TMEM132C: variants seen among roughly 807,000 people sequenced by gnomAD.
The protein encoded by TMEM132C is protein phosphatase 1, regulatory subunit 152.
TMEM132C carries 29 observed loss-of-function variants against 61.4 expected under a neutral mutation model. The observed-to-expected ratio is 0.47, with a 90% confidence interval of 0.35 to 0.64. The LOEUF (loss-of-function observed/expected upper bound fraction) is 0.64. TMEM132C is among the 30% of genes least tolerant of loss of function. The pLI, the probability that TMEM132C is intolerant of heterozygous loss-of-function variation, is 0.00. For synonymous variants in TMEM132C, 656 were observed against 633.1 expected, an observed-to-expected ratio of 1.04 and a Z score of -0.54; for missense variants, 1,408 against 1,476.9, an observed-to-expected ratio of 0.95 and a Z score of 0.76.
chr12:128,513,417 C>A (rs929305629), intron 2 of TMEM132C, among the ~76,000 whole-genome samples: 2 of 152,164 alleles, frequency 1.3e-5, no homozygotes, highest in African/African-American at 2.4e-5. Context: ...AACACAGAAA[C>A]CAGTCTTAAT....
chr12:128,658,482 G>C (rs369038158), intron 4 of TMEM132C, among the ~76,000 whole-genome samples: 1 of 151,830 alleles, frequency 6.6e-6, no homozygotes, highest in Non-Finnish European at 1.5e-5. Context: ...AACCAACTGC[G>C]CTTCCGCTGA....
At position 128,522,154 on chromosome 12, in the gene TMEM132C, G is replaced by A. The variant is rs528557526; in HGVS notation, c.975-21803G>A. 4.5e-4 allele frequency among the ~76,000 whole-genome samples: 69 copies of A among 152,288 alleles called. No homozygotes were observed. The Middle Eastern group carries it at 0.02, about 45-fold the overall frequency. ...ACCCCATGCTATCTCAAGAACGCTG[G>A]GGTGTATGTTCCCTGTAGCTATTTT... On this transcript the variant is annotated intron_variant, in intron 2 of 8. Coordinates refer to ENST00000435159, the MANE Select transcript of TMEM132C (RefSeq NM_001136103.3).
At chr12:128,311,227 A>T (rs1189820104) in intron 1 of TMEM132C, among the ~76,000 whole-genome samples, 1 of 152,114 alleles carries the variant, frequency 6.6e-6, no homozygotes, top group African/African-American at 2.4e-5. Flanking sequence ...AGTCTCCAAC[A>T]CTCTGACAAG....
At chr12:128,470,326 C>T (rs1006486824) in intron 2 of TMEM132C, among the ~76,000 whole-genome samples, 1 of 152,222 alleles carries the variant, frequency 6.6e-6, no homozygotes, top group African/African-American at 2.4e-5. Context: ...CGCGTGTCCT[C>T]TGAATTTCCT....
In TMEM132C at chr12:128,695,787, C is replaced by T. The variant is rs754579432; in HGVS notation, c.1656-43C>T. ...CTGCCTGTCTCAAGAACGTCTTAGA[C>T]TCCTCTCCCTGGATCTGAGAGCTCT... On this transcript the variant is annotated intron_variant, in intron 6 of 8. Coordinates refer to ENST00000435159, the MANE Select transcript of TMEM132C (RefSeq NM_001136103.3). 64 of 1,495,558 alleles carry T rather than the reference C, an allele frequency of 4.3e-5. No individual in the cohort carries two copies. The Admixed American group carries it at 6.9e-4, about 16-fold the overall frequency. 92.6% of individuals were successfully genotyped at this position (1,495,558 alleles called of 1,614,324 possible).
chr12:128,494,346 G>A (rs191123636), intron 2 of TMEM132C, among the ~76,000 whole-genome samples: 334 of 152,290 alleles, frequency 2.2e-3, no homozygotes, highest in Non-Finnish European at 3.9e-3. Context: ...TTGCTATCAG[G>A]ATGATGCTGG....
At chr12:128,430,481 A>G (rs1277912787) in intron 2 of TMEM132C, among the ~76,000 whole-genome samples, 4 of 152,218 alleles carry the variant, frequency 2.6e-5, no homozygotes, top group Non-Finnish European at 1.5e-5. Context: ...AAGAAAAAAT[A>G]GAACTTAAGC....
chr12:128,664,926 A>T (rs1261446613), intron 4 of TMEM132C, among the ~76,000 whole-genome samples: 2 of 150,424 alleles, frequency 1.3e-5, no homozygotes, highest in Non-Finnish European at 2.9e-5. Context: ...GATGCAAAGA[A>T]CTCTGTAGGC....
rs142850761 is a variant in TMEM132C, at chr12:128,482,831, A to G, written c.975-61126A>G. ...TCCTCCCACCCATGAATCTCCCACAATGCTTATCTCCCAGCACCAAGCCCT... is the reference window on the plus strand; with the variant it reads ...TCCTCCCACCCATGAATCTCCCACAGTGCTTATCTCCCAGCACCAAGCCCT... On this transcript the variant is annotated intron_variant, in intron 2 of 8. Coordinates refer to ENST00000435159, the MANE Select transcript of TMEM132C (RefSeq NM_001136103.3). Among the ~76,000 whole-genome samples, 102 of 152,066 alleles carry G rather than the reference A, an allele frequency of 6.7e-4. 1 individual carries two copies. In the East Asian group the frequency reaches 0.018, roughly 27 times the overall value.
intron 2 of TMEM132C, among the ~76,000 whole-genome samples, chr12:128,476,466 G>A (rs1272667432): frequency 2.6e-5 from 4 of 152,180 alleles, no homozygotes; most frequent in Non-Finnish European, 5.9e-5. Flanking sequence ...CATTTCTCAC[G>A]TGGCTTGCAG....
Position 128,707,572 on chromosome 12 carries a change from C to T in TMEM132C, c.*1277C>T, listed in dbSNP as rs1255971714. 1.3e-5 allele frequency: 2 copies of T among 152,210 alleles called. No individual in the cohort carries two copies. Among genetic ancestry groups the T allele is most frequent in the African/African-American group, 4.8e-5 (2 of 41,456 alleles). 9.4% of individuals were successfully genotyped at this position (152,210 alleles called of 1,614,324 possible). On this transcript the variant is annotated 3_prime_UTR_variant, in exon 9 of 9. Coordinates refer to ENST00000435159, the MANE Select transcript of TMEM132C (RefSeq NM_001136103.3). ...GCAAAAATGCATTCATCCAAAGCGA[C>T]ACATGTGGCAACGTAGACCACGCCA...
At chr12:128,494,655 C>G (rs541762274) in intron 2 of TMEM132C, among the ~76,000 whole-genome samples, 8 of 152,116 alleles carry the variant, frequency 5.3e-5, no homozygotes, top group Admixed American at 6.6e-5. Flanking sequence ...ATAATATTCT[C>G]TGATGGTAGT....
At chr12:128,355,412 A>G (rs1873472127) in intron 1 of TMEM132C, among the ~76,000 whole-genome samples, 3 of 152,112 alleles carry the variant, frequency 2.0e-5, no homozygotes, top group Admixed American at 2.0e-4. Flanking sequence ...AAGCTGGCAC[A>G]TGGGCCTCAG....
chr12:128,669,645 A>T, intron 5 of TMEM132C, 85 bp downstream of exon 5: 2 of 1,482,482 alleles, frequency 1.3e-6, no homozygotes, highest in Non-Finnish European at 9.1e-7. Context: ...AGACTGAAAT[A>T]CATGACGTTC....
Position 128,705,361 on chromosome 12 carries a change from A to G in TMEM132C, c.2393A>G (p.Lys798Arg). The G allele has an allele frequency of 6.4e-7, 1 of 1,551,512 alleles. No individual in the cohort carries two copies. Among genetic ancestry groups the G allele is most frequent in the Non-Finnish European group, 8.7e-7 (1 of 1,147,004 alleles). ...GTGGGCGTCGGCAACGTCAGGGTCA[A>G]GTTCGGACAGAACGATGCTGACTCC... ...LAVGVGNVRV[K>R]FGQNDADSSP... The change falls in exon 9 of 9, where the codon AAG becomes AGG. Residue 798 changes from lysine to arginine, a missense_variant. By Grantham distance (26) the Lys-to-Arg change is conservative. Coordinates refer to ENST00000435159, the MANE Select transcript of TMEM132C (RefSeq NM_001136103.3).
intron 1 of TMEM132C, among the ~76,000 whole-genome samples, chr12:128,303,525 G>T (rs951841063): frequency 6.6e-6 from 1 of 152,068 alleles, no homozygotes; most frequent in Non-Finnish European, 1.5e-5. Flanking sequence ...TTATTCACTG[G>T]TCAACTCAAG....
chr12:128,269,523 A>G (rs549902139), intron 1 of TMEM132C, among the ~76,000 whole-genome samples: 2 of 152,276 alleles, frequency 1.3e-5, no homozygotes, highest in Non-Finnish European at 2.9e-5. Flanking sequence ...GCTGAAAACT[A>G]GGGACGTAGC....
chr12:128,590,286 A>G (rs1875705477), intron 3 of TMEM132C, among the ~76,000 whole-genome samples: 1 of 152,220 alleles, frequency 6.6e-6, no homozygotes, highest in Non-Finnish European at 1.5e-5. Context: ...ACTGCCTGTT[A>G]TGATGTCCTC....
At chr12:128,586,923 G>A (rs1434370327) in intron 3 of TMEM132C, among the ~76,000 whole-genome samples, 1 of 152,158 alleles carries the variant, frequency 6.6e-6, no homozygotes, top group Non-Finnish European at 1.5e-5. Context: ...GAGGTCACAG[G>A]ACATGGGAAA....
Sources: gnomAD v4.1 joint callset for allele counts (sites outside exome capture counted in the v4.1 genomes callset) on GRCh38, gnomAD v4.1.1 for gene constraint, MANE v1.5 for transcripts, NCBI Gene and HGNC (gene_info 2026-07-23, HGNC 2026-07-21) for gene names.